Variants in CNNM2 observed in about 807,000 individuals in gnomAD.
CNNM2 encodes the protein cyclin and CBS domain divalent metal cation transport mediator 2.
In CNNM2, 12 loss-of-function variants were observed where a neutral mutation model predicts 66.9. The ratio of observed to expected loss-of-function variants is 0.18; its 90% CI spans 0.11 to 0.29. The LOEUF (loss-of-function observed/expected upper bound fraction) is 0.29, where lower values mean the gene tolerates loss of function less well. Ranked by LOEUF, CNNM2 falls within the 10% of genes least tolerant of loss-of-function variation. The pLI is 1.00. For missense variants in CNNM2, 705 were observed against 1,167.7 expected, an observed-to-expected ratio of 0.60 and a Z score of 5.77; for synonymous variants, 557 against 501.8, an observed-to-expected ratio of 1.11 and a Z score of -1.47.
At chr10:103,044,477 G>C (rs977854718) in intron 1 of CNNM2, among the ~76,000 whole-genome samples, 1 of 151,844 alleles carries the variant, frequency 6.6e-6, no homozygotes, top group African/African-American at 2.4e-5. Context: ...GATCACTTGA[G>C]CCCAGGAGTT....
At chr10:102,934,095 C>T (rs932679704) in intron 1 of CNNM2, among the ~76,000 whole-genome samples, 1 of 151,222 alleles carries the variant, frequency 6.6e-6, no homozygotes, top group Non-Finnish European at 1.5e-5. Flanking sequence ...CCTACTGCCT[C>T]AGCCTCCCAA....
chr10:102,923,452 G>A (rs1477653767), intron 1 of CNNM2, among the ~76,000 whole-genome samples: 3 of 152,088 alleles, frequency 2.0e-5, no homozygotes, highest in African/African-American at 7.2e-5. Context: ...TTTGTGCCTT[G>A]GGGTTTTAAC....
rs1281111612 is a variant in CNNM2, at chr10:103,090,123, G to A, written c.*12943G>A. On this transcript the variant is annotated 3_prime_UTR_variant, in exon 8 of 8. Coordinates refer to ENST00000369878, the MANE Select transcript of CNNM2 (RefSeq NM_017649.5). ...AATGGTGCCCATATTGTCTACTGCA[G>A]CTGGAAATTGGAAAAGATGGAGAGG... 6 of 443,208 alleles carry A rather than the reference G, an allele frequency of 1.4e-5. No homozygotes were observed. The Admixed American group carries it at 2.3e-4, about 17-fold the overall frequency. 27.5% of individuals were successfully genotyped at this position (443,208 alleles called of 1,614,324 possible). A position where few individuals can be genotyped will look rare whatever the true frequency, so the allele number is the denominator to read the frequency against.
chr10:103,039,592 G>A (rs2065003985), intron 1 of CNNM2, among the ~76,000 whole-genome samples: 1 of 152,158 alleles, frequency 6.6e-6, no homozygotes, highest in South Asian at 2.1e-4. Flanking sequence ...TAATTGAGAG[G>A]GAAATGGATA....
intron 1 of CNNM2, among the ~76,000 whole-genome samples, chr10:103,006,331 C>A (rs1359937779): frequency 6.6e-6 from 1 of 151,916 alleles, no homozygotes; most frequent in East Asian, 1.9e-4. Context: ...TTCAGCCTCC[C>A]AAGTAGCTGG....
intron 1 of CNNM2, among the ~76,000 whole-genome samples, chr10:102,960,182 G>A (rs2063358629): frequency 6.6e-6 from 1 of 152,152 alleles, no homozygotes; most frequent in Non-Finnish European, 1.5e-5. Context: ...CGCATGCTAC[G>A]TGCCCAGGAA....
intron 1 of CNNM2, among the ~76,000 whole-genome samples, chr10:103,043,271 C>T (rs1028928645): frequency 6.6e-6 from 1 of 152,192 alleles, no homozygotes; most frequent in Non-Finnish European, 1.5e-5. Flanking sequence ...TTCTTGACTA[C>T]TCTGTGTCAC....
At chr10:103,000,238 AAAACAAATAAAT>A (rs993731244) in intron 1 of CNNM2, among the ~76,000 whole-genome samples, 53 of 137,390 alleles carry the variant, frequency 3.9e-4, no homozygotes, top group Non-Finnish European at 7.3e-4. Flanking sequence ...CTCCGTCTCA[AAAACAAATAAAT>A]AAATAAATAA....
chr10:102,997,105 T>C (rs2064018100), intron 1 of CNNM2, among the ~76,000 whole-genome samples: 1 of 152,182 alleles, frequency 6.6e-6, no homozygotes, highest in Admixed American at 6.6e-5. Flanking sequence ...CTAAAGAAGG[T>C]GAAGAGAAAG....
rs115235629 is a variant in CNNM2, at chr10:103,040,590, C to T, written c.1622-9117C>T. ...GTAGAGAAGAAACAGGAGTGTTGGCCGTTGGCTAGACTTGGCAGGGGCTGA... is the reference window on the plus strand; with the variant it reads ...GTAGAGAAGAAACAGGAGTGTTGGCTGTTGGCTAGACTTGGCAGGGGCTGA... On this transcript the variant is annotated intron_variant, in intron 1 of 7. Transcript: ENST00000369878. Among the ~76,000 whole-genome samples, 179 of 152,220 alleles carry T rather than the reference C, an allele frequency of 1.2e-3. 1 individual carries two copies. Among genetic ancestry groups the T allele is most frequent in the African/African-American group, 4.1e-3 (170 of 41,530 alleles).
In CNNM2 at chr10:103,026,323, G is replaced by A. The variant is rs541772199; in HGVS notation, c.1622-23384G>A. On this transcript the variant is annotated intron_variant, in intron 1 of 7. Transcript: ENST00000369878. ...ATGTCATAAATATTTTTGGAGGCTG[G>A]GAGTAGTGGCTCATGCCTGTAATCC... Among the ~76,000 whole-genome samples the A allele has an allele frequency of 1.2e-3, 190 of 152,222 alleles. 1 individual carries two copies. Among genetic ancestry groups the A allele is most frequent in the Non-Finnish European group, 2.2e-3 (153 of 68,012 alleles).
chr10:102,935,114 G>C (rs562081208), intron 1 of CNNM2, among the ~76,000 whole-genome samples: 1 of 143,682 alleles, frequency 7.0e-6, no homozygotes, highest in African/African-American at 2.6e-5. Flanking sequence ...AGCCGAGACC[G>C]CGCCATTGCA....
At chr10:103,006,333 A>G (rs1047486714) in intron 1 of CNNM2, among the ~76,000 whole-genome samples, 3 of 151,786 alleles carry the variant, frequency 2.0e-5, no homozygotes, top group Admixed American at 6.6e-5. Flanking sequence ...CAGCCTCCCA[A>G]GTAGCTGGGA....
intron 1 of CNNM2, among the ~76,000 whole-genome samples, chr10:102,959,575 CT>C (rs1426436803): frequency 6.6e-6 from 1 of 152,004 alleles, no homozygotes. Context: ...GCTTCCTCAT[CT>C]TTTTGTTTGT....
chr10:103,023,890 A>AT (rs1262947398), intron 1 of CNNM2, among the ~76,000 whole-genome samples: 2 of 152,314 alleles, frequency 1.3e-5, no homozygotes, highest in Admixed American at 6.5e-5. Flanking sequence ...ATATACATAT[A>AT]TTTTTTAGAT....
rs757002147 is a variant in CNNM2, at chr10:103,077,293, A to G, written c.*113A>G. ...TGTCCGCCATGCTGTACCCTGCAACATCCTGAGACCAAAGACCTTGTGCCC... is the reference window on the plus strand; with the variant it reads ...TGTCCGCCATGCTGTACCCTGCAACGTCCTGAGACCAAAGACCTTGTGCCC... On this transcript the variant is annotated 3_prime_UTR_variant, in exon 8 of 8. Transcript: ENST00000369878. 209 of 921,626 alleles carry G rather than the reference A, an allele frequency of 2.3e-4. 1 individual carries two copies. The highest frequency in any genetic ancestry group is 2.9e-4 in the Non-Finnish European group (179 of 608,532). The allele number at this position is 921,626 out of a possible 1,614,324, so 57.1% of individuals were successfully genotyped here. A position where few individuals can be genotyped will look rare whatever the true frequency, so the allele number is the denominator to read the frequency against.
Position 102,918,780 on chromosome 10 carries a change from G to A in CNNM2, c.300G>A (p.Arg100=). ...CGCTGCGGGTGAGCGAACGGACCCG[G>A]GTCAAGCTGCGGGTGTACGGGCAGA... is the stretch of plus-strand genomic sequence containing the variant. ...GGALRVSERT[R]VKLRVYGQNI... is the part of the protein sequence containing the mutation. The change falls in exon 1 of 8, where the codon CGG becomes CGA. Residue 100 remains arginine, a synonymous_variant. Transcript: ENST00000369878. The surrounding 1 kb of genome is among the most constrained non-coding windows in gnomAD (Gnocchi z 4.1). 6.3e-7 allele frequency: 1 copy of A among 1,599,512 alleles called. No individual in the cohort carries two copies. Among genetic ancestry groups the A allele is most frequent in the South Asian group, 1.1e-5 (1 of 88,656 alleles).
rs543947920 is a variant in CNNM2 at position 103,071,075 on chromosome 10, T to G, written c.2168-699T>G. ...AGTACAGATATCACAAGGTAAAGTTTCTGTTTATTGATGTTCGCTGTCTGG... is the reference window on the plus strand; with the variant it reads ...AGTACAGATATCACAAGGTAAAGTTGCTGTTTATTGATGTTCGCTGTCTGG... On this transcript the variant is annotated intron_variant, in intron 5 of 7. Transcript: ENST00000369878. Among the ~76,000 whole-genome samples the G allele has an allele frequency of 7.9e-5, 12 of 152,366 alleles. No homozygotes were observed. The South Asian group carries it at 2.5e-3, about 32-fold the overall frequency.
At chr10:103,028,398 T>C (rs1342015701) in intron 1 of CNNM2, among the ~76,000 whole-genome samples, 3 of 152,214 alleles carry the variant, frequency 2.0e-5, no homozygotes, top group South Asian at 2.1e-4. Flanking sequence ...TTTGTGTTTA[T>C]AAGAAGATAA....
Sources: gnomAD v4.1 joint callset for allele counts (sites outside exome capture counted in the v4.1 genomes callset) on GRCh38, gnomAD v4.1.1 for gene constraint, Gnocchi (gnomAD v3.1) non-coding constraint, MANE v1.5 for transcripts, NCBI Gene and HGNC (gene_info 2026-07-23, HGNC 2026-07-21) for gene names.